The following SSBP2 variants were observed in gnomAD, a reference collection of about 807,000 sequenced individuals.
The protein encoded by SSBP2 is single-stranded DNA-binding protein 2.
Under a neutral mutation model 61.8 loss-of-function variants are expected in SSBP2, and 17 were observed. That is an observed-to-expected ratio of 0.28 (90% CI 0.19 to 0.41). The LOEUF (loss-of-function observed/expected upper bound fraction) is 0.41. SSBP2 is among the 10% of genes least tolerant of loss of function. The pLI is 1.00. For synonymous variants in SSBP2, 139 were observed against 141.3 expected (o/e 0.98, Z 0.12); for missense variants, 310 against 458.7 (o/e 0.68, Z 2.96).
intron 1 of SSBP2, among the ~76,000 whole-genome samples, chr5:81,686,802 C>G (rs1257855195): frequency 1.4e-5 from 2 of 145,378 alleles, no homozygotes; most frequent in African/African-American, 5.1e-5. Flanking sequence ...TTGCGGTGAG[C>G]CAAGATTGCA....
At chr5:81,436,061 G>A (rs1016095819) in intron 15 of SSBP2, among the ~76,000 whole-genome samples, 1 of 151,820 alleles carries the variant, frequency 6.6e-6, no homozygotes, top group African/African-American at 2.4e-5. Context: ...CGTGGTATGA[G>A]CCTTTAGTCC....
At chr5:81,439,906 C>T (rs914580572) in intron 14 of SSBP2, among the ~76,000 whole-genome samples, 5 of 151,876 alleles carry the variant, frequency 3.3e-5, no homozygotes, top group Admixed American at 1.3e-4. Context: ...CTCCTGACCT[C>T]ATGATCTGCC....
At chr5:81,683,444 CTA>C (rs1269234116) in intron 1 of SSBP2, among the ~76,000 whole-genome samples, 5 of 152,076 alleles carry the variant, frequency 3.3e-5, no homozygotes, top group African/African-American at 1.2e-4. Flanking sequence ...CAAAATAAAT[CTA>C]GACACATATC....
intron 1 of SSBP2, among the ~76,000 whole-genome samples, chr5:81,683,292 C>G (rs945829952): frequency 1.3e-5 from 2 of 152,102 alleles, no homozygotes; most frequent in African/African-American, 2.4e-5. Flanking sequence ...ACAAGTAGAT[C>G]AGTGGAACAG....
chr5:81,563,947 A>G (rs78054260), intron 4 of SSBP2, among the ~76,000 whole-genome samples: 1,853 of 152,334 alleles, frequency 0.012, 37 homozygotes, highest in African/African-American at 0.042. Context: ...AAGGCAACCC[A>G]TGGAATGGAA....
chr5:81,624,263 T>C (rs1249090044), intron 3 of SSBP2, among the ~76,000 whole-genome samples: 3 of 152,200 alleles, frequency 2.0e-5, no homozygotes, highest in Non-Finnish European at 4.4e-5. Flanking sequence ...GCCCCATCTA[T>C]TTTATTAAGC....
At chr5:81,649,080 A>G (rs1737377746) in intron 2 of SSBP2, among the ~76,000 whole-genome samples, 1 of 152,104 alleles carries the variant, frequency 6.6e-6, no homozygotes, top group Admixed American at 6.6e-5. Context: ...AGGAAAAACC[A>G]AAAGCACTGG....
chr5:81,435,245 T>G (rs1762601708), intron 15 of SSBP2, among the ~76,000 whole-genome samples: 3 of 152,384 alleles, frequency 2.0e-5, no homozygotes, highest in Admixed American at 6.5e-5. Context: ...CTCGTTAAAC[T>G]GAACTTCTTG....
Position 81,724,105 on chromosome 5 carries a change from A to G in SSBP2, c.62+26876T>C, listed in dbSNP as rs368223738. On this transcript the variant is annotated intron_variant, in intron 1 of 16. Transcript: ENST00000320672. ...ACAGCATAATACTATGAAAGCACAC[A>G]TTTATTTTTTAAATCAACATATATT... Among the ~76,000 whole-genome samples, 18 of 144,966 alleles carry G rather than the reference A, an allele frequency of 1.2e-4. 1 individual carries two copies. The South Asian group carries it at 3.5e-3, about 28-fold the overall frequency.
intron 2 of SSBP2, among the ~76,000 whole-genome samples, chr5:81,639,495 A>C (rs773775598): frequency 2.8e-4 from 43 of 152,158 alleles, no homozygotes; most frequent in Non-Finnish European, 5.6e-4. Context: ...CAAACAAAAA[A>C]GTAAATTATG....
At chr5:81,585,959 C>G (rs775159424) in intron 4 of SSBP2, among the ~76,000 whole-genome samples, 1 of 152,122 alleles carries the variant, frequency 6.6e-6, no homozygotes, top group Non-Finnish European at 1.5e-5. Flanking sequence ...TCCACATTGT[C>G]ACAAGTGACA....
At position 81,582,510 on chromosome 5, in the gene SSBP2, T is replaced by C. The variant is rs1774735444; in HGVS notation, c.282+32963A>G. 2.6e-5 allele frequency among the ~76,000 whole-genome samples: 4 copies of C among 152,208 alleles called. No homozygotes were observed. In the South Asian group the frequency reaches 6.2e-4, roughly 24 times the overall value. The stretch of plus-strand genomic sequence containing the variant: ...ATATGTACTTTTCATTTATAGAAGA[T>C]ATAATAATGATAAAAATCTGAAGAA... On this transcript the variant is annotated intron_variant, in intron 4 of 16. Coordinates refer to ENST00000320672, the MANE Select transcript of SSBP2 (RefSeq NM_012446.5).
At chr5:81,648,970 T>C (rs1415639220) in intron 2 of SSBP2, among the ~76,000 whole-genome samples, 2 of 152,134 alleles carry the variant, frequency 1.3e-5, no homozygotes, top group Non-Finnish European at 1.5e-5. Context: ...TTTAAAATAC[T>C]GTACTTCACA....
At chr5:81,709,400 TTC>T (rs1272337117) in intron 1 of SSBP2, among the ~76,000 whole-genome samples, 1 of 152,012 alleles carries the variant, frequency 6.6e-6, no homozygotes, top group Admixed American at 6.6e-5. Context: ...CTTTCCTACT[TTC>T]TCTTCTATAA....
At chr5:81,585,548 T>C (rs1023656888) in intron 4 of SSBP2, among the ~76,000 whole-genome samples, 1 of 150,678 alleles carries the variant, frequency 6.6e-6, no homozygotes, top group East Asian at 1.9e-4. Flanking sequence ...AAAAATTGTG[T>C]GTGTGTATAT....
chr5:81,627,136 C>T (rs907968575), intron 3 of SSBP2, among the ~76,000 whole-genome samples: 2 of 152,152 alleles, frequency 1.3e-5, no homozygotes, highest in South Asian at 2.1e-4. Flanking sequence ...ACTTGAGTAA[C>T]ATTTGCCTCA....
intron 8 of SSBP2, among the ~76,000 whole-genome samples, chr5:81,472,652 T>A (rs146414453): frequency 6.6e-6 from 1 of 152,118 alleles, no homozygotes; most frequent in Non-Finnish European, 1.5e-5. Flanking sequence ...CAGGCTGGAG[T>A]GCAATGGCGC....
At chr5:81,458,951 T>A (rs888869569) in intron 10 of SSBP2, among the ~76,000 whole-genome samples, 4 of 152,208 alleles carry the variant, frequency 2.6e-5, no homozygotes, top group African/African-American at 9.7e-5. Context: ...ATGATAGGCC[T>A]CCTCCACTTC....
At chr5:81,448,217 C>G (rs941555810) in intron 11 of SSBP2, among the ~76,000 whole-genome samples, 7 of 152,070 alleles carry the variant, frequency 4.6e-5, no homozygotes, top group Non-Finnish European at 7.4e-5. Flanking sequence ...CTTGTAAGCT[C>G]AGGAGGTCAT....
Sources: allele counts gnomAD v4.1 joint callset (sites outside exome capture counted in the v4.1 genomes callset), GRCh38; gene constraint gnomAD v4.1.1; transcripts MANE v1.5; gene names NCBI Gene and HGNC (gene_info 2026-07-23, HGNC 2026-07-21).